The following PABPC4L variants were observed in gnomAD, a reference collection of about 807,000 sequenced individuals.
The protein encoded by PABPC4L is polyadenylate-binding protein 4-like.
For synonymous variants in PABPC4L, 169 were observed against 164.1 expected (o/e 1.03, Z -0.23); for missense variants, 452 against 451.4 (o/e 1.00, Z -0.01).
the PABPC4L span, among the ~76,000 whole-genome samples, chr4:134,087,602 C>T: frequency 6.6e-6 from 1 of 152,148 alleles, no homozygotes; most frequent in African/African-American, 2.4e-5. Context: ...AGGACTCAAG[C>T]CCACCTGCAC....
At chr4:134,065,953 T>A in the PABPC4L span, among the ~76,000 whole-genome samples, 1 of 152,148 alleles carries the variant, frequency 6.6e-6, no homozygotes, top group Non-Finnish European at 1.5e-5. Context: ...GGATGTCTAC[T>A]CTGTTCCATT....
At chr4:134,133,427 T>A in the PABPC4L span, among the ~76,000 whole-genome samples, 2 of 145,444 alleles carry the variant, frequency 1.4e-5, no homozygotes, top group African/African-American at 5.0e-5. Flanking sequence ...GTATATTATA[T>A]GTATATATTA....
chr4:134,058,873 G>C, the PABPC4L span, among the ~76,000 whole-genome samples: 1 of 151,994 alleles, frequency 6.6e-6, no homozygotes, highest in Non-Finnish European at 1.5e-5. Context: ...GGAGATGTCA[G>C]TGAAATTATA....
At chr4:133,962,363 A>G in the PABPC4L span, among the ~76,000 whole-genome samples, 20 of 152,358 alleles carry the variant, frequency 1.3e-4, no homozygotes, top group Admixed American at 2.0e-4. Context: ...GCGAAGCCCA[A>G]TGCAAGCAAA....
At chr4:134,181,102 A>G in the PABPC4L span, among the ~76,000 whole-genome samples, 2 of 152,046 alleles carry the variant, frequency 1.3e-5, no homozygotes. Flanking sequence ...CCTCATGAAC[A>G]TAAGTGCAAA....
At chr4:134,036,568 C>G in the PABPC4L span, among the ~76,000 whole-genome samples, 1 of 152,154 alleles carries the variant, frequency 6.6e-6, no homozygotes, top group African/African-American at 2.4e-5. Flanking sequence ...ATAATTTCAG[C>G]CACTGGAATC....
chr4:134,137,757 A>G, the PABPC4L span, among the ~76,000 whole-genome samples: 2 of 151,848 alleles, frequency 1.3e-5, no homozygotes, highest in Non-Finnish European at 2.9e-5. Context: ...CATTCTTTCT[A>G]TAATGGACTA....
At chr4:133,977,900 T>A in the PABPC4L span, 1 of 152,184 alleles carries the variant, frequency 6.6e-6, no homozygotes, top group Non-Finnish European at 1.5e-5. Flanking sequence ...GTTTTTCCAT[T>A]TCTATTAGAA....
chr4:133,990,733 G>A, the PABPC4L span, among the ~76,000 whole-genome samples: 16 of 152,192 alleles, frequency 1.1e-4, no homozygotes, highest in African/African-American at 1.7e-4. Flanking sequence ...TAACATTGCC[G>A]ACCCCCCCAG....
chr4:134,141,921 ATTGTCACTTCT>A, the PABPC4L span, among the ~76,000 whole-genome samples: 1 of 151,744 alleles, frequency 6.6e-6, no homozygotes, highest in African/African-American at 2.4e-5. Context: ...AGAACAAAAG[ATTGTCACTTCT>A]TTCTTTGAAA....
the PABPC4L span, among the ~76,000 whole-genome samples, chr4:133,961,968 G>T: frequency 6.6e-6 from 1 of 152,136 alleles, no homozygotes; most frequent in African/African-American, 2.4e-5. Context: ...AGAACCCCAG[G>T]TCACAGAACA....
the PABPC4L span, among the ~76,000 whole-genome samples, chr4:133,998,808 C>A: frequency 1.3e-5 from 2 of 151,490 alleles, no homozygotes; most frequent in Non-Finnish European, 3.0e-5. Flanking sequence ...TAAGTAGGAT[C>A]TTTCCCCCTA....
the PABPC4L span, among the ~76,000 whole-genome samples, chr4:134,064,504 T>C: frequency 6.6e-6 from 1 of 152,208 alleles, no homozygotes; most frequent in Admixed American, 6.5e-5. Context: ...AATTTAAATG[T>C]GATCTCTTTA....
the PABPC4L span, among the ~76,000 whole-genome samples, chr4:134,107,564 C>T: frequency 5.9e-5 from 9 of 151,640 alleles, 1 homozygote; most frequent in South Asian, 1.2e-3. Context: ...TTAAATTCAG[C>T]GAGCATCTTC....
At chr4:134,119,173 C>T in the PABPC4L span, among the ~76,000 whole-genome samples, 1 of 151,188 alleles carries the variant, frequency 6.6e-6, no homozygotes, top group East Asian at 2.0e-4. Flanking sequence ...ATGTAAAAGT[C>T]TTAAAGCAAG....
chr4:133,957,239 T>C, the PABPC4L span, among the ~76,000 whole-genome samples: 1 of 152,090 alleles, frequency 6.6e-6, no homozygotes, highest in South Asian at 2.1e-4. Context: ...AGTGGGTAAA[T>C]ATACCCATTC....
chr4:134,175,047 A>G, the PABPC4L span, among the ~76,000 whole-genome samples: 1,070 of 152,276 alleles, frequency 7.0e-3, 20 homozygotes, highest in African/African-American at 0.024. Flanking sequence ...GGAACTACCT[A>G]TACCTTCATT....
chr4:134,112,569 A>ACGATCTAT, the PABPC4L span, among the ~76,000 whole-genome samples: 3 of 147,844 alleles, frequency 2.0e-5, no homozygotes, highest in Non-Finnish European at 4.5e-5. Context: ...GCTCCACGTA[A>ACGATCTAT]CTATCTATCT....
chr4:133,959,906 T>A, the PABPC4L span, among the ~76,000 whole-genome samples: 1 of 152,246 alleles, frequency 6.6e-6, no homozygotes, highest in Non-Finnish European at 1.5e-5. Context: ...TTGGCTGACG[T>A]ATTTAAAATG....
Sources: gnomAD v4.1 joint callset for allele counts (sites outside exome capture counted in the v4.1 genomes callset) on GRCh38, gnomAD v4.1.1 for gene constraint, MANE v1.5 for transcripts, NCBI Gene and HGNC (gene_info 2026-07-23, HGNC 2026-07-21) for gene names.